PRKAG2: variants seen among roughly 807,000 people sequenced by gnomAD.
The protein encoded by PRKAG2 is protein kinase AMP-activated non-catalytic subunit gamma 2.
A neutral mutation model predicts 69.6 loss-of-function variants in PRKAG2; 26 were observed. The ratio of observed to expected loss-of-function variants is 0.37; its 90% CI spans 0.27 to 0.52. The LOEUF is 0.52. Among genes scored for constraint, PRKAG2 ranks in the 20% least tolerant of loss-of-function variants. The pLI, the probability that PRKAG2 is intolerant of heterozygous loss-of-function variation, is 0.90. For synonymous variants in PRKAG2, 293 were observed against 285.0 expected (o/e 1.03, Z -0.28); for missense variants, 557 against 740.0 (o/e 0.75, Z 2.87).
At chr7:151,727,566 G>T (rs1217133615) in intron 3 of PRKAG2, among the ~76,000 whole-genome samples, 3 of 152,216 alleles carry the variant, frequency 2.0e-5, no homozygotes, top group Non-Finnish European at 4.4e-5. Context: ...GCAGGGGTTT[G>T]CTCCTTTTTT....
intron 1 of PRKAG2, among the ~76,000 whole-genome samples, chr7:151,804,622 T>A (rs1399582277): frequency 6.6e-6 from 1 of 152,192 alleles, no homozygotes; most frequent in South Asian, 2.1e-4. Context: ...GAGAGTCTAT[T>A]TCCCGCACTG....
chr7:151,640,960 G>A (rs1414140041), intron 4 of PRKAG2, among the ~76,000 whole-genome samples: 1 of 152,142 alleles, frequency 6.6e-6, no homozygotes, highest in Non-Finnish European at 1.5e-5. Flanking sequence ...AGCATAAATG[G>A]GTTTAGAAGT....
At chr7:151,871,681 G>A (rs1215588119) in intron 1 of PRKAG2, among the ~76,000 whole-genome samples, 5 of 152,210 alleles carry the variant, frequency 3.3e-5, no homozygotes, top group African/African-American at 1.2e-4. Flanking sequence ...ACTGGCCCTA[G>A]GCTGTCCCCT....
At chr7:151,857,519 A>G (rs2079815197) in intron 1 of PRKAG2, among the ~76,000 whole-genome samples, 1 of 152,130 alleles carries the variant, frequency 6.6e-6, no homozygotes. Context: ...GCCTTCCGGC[A>G]CCATCTGTCT....
chr7:151,559,771 C>T, intron 15 of PRKAG2: 1 of 985,400 alleles, frequency 1.0e-6, no homozygotes, highest in East Asian at 1.1e-4. Flanking sequence ...TTTGCTCCCA[C>T]ATCGGGTCCA....
At chr7:151,557,891 C>CA (rs1304136317) in intron 15 of PRKAG2, 86 of 970,280 alleles carry the variant, frequency 8.9e-5, no homozygotes, top group Non-Finnish European at 9.9e-5. Flanking sequence ...AAAAAAAAAA[C>CA]AAAAAAACAA....
chr7:151,798,257 C>T (rs983301401), intron 1 of PRKAG2, among the ~76,000 whole-genome samples: 1 of 152,072 alleles, frequency 6.6e-6, no homozygotes, highest in African/African-American at 2.4e-5. Context: ...CTACTTTGGC[C>T]TCCCAAAGTG....
intron 6 of PRKAG2, among the ~76,000 whole-genome samples, chr7:151,581,322 T>C (rs1346920550): frequency 6.6e-6 from 1 of 152,216 alleles, no homozygotes; most frequent in Non-Finnish European, 1.5e-5. Flanking sequence ...TAATTGCAAT[T>C]GTCAATACAG....
At chr7:151,759,010 A>G (rs1236424986) in intron 3 of PRKAG2, among the ~76,000 whole-genome samples, 1 of 152,072 alleles carries the variant, frequency 6.6e-6, no homozygotes, top group Non-Finnish European at 1.5e-5. Flanking sequence ...GTAGCCAGAC[A>G]TCTCTCTGCA....
Position 151,565,402 on chromosome 7 carries a change from T to C in PRKAG2, c.1400-19A>G, listed in dbSNP as rs1184472783. 1.5e-6 allele frequency: 2 copies of C among 1,335,114 alleles called. No homozygotes were observed. The highest frequency in any genetic ancestry group is 2.0e-5 in the Admixed American group (1 of 50,416). 82.7% of individuals were successfully genotyped at this position (1,335,114 alleles called of 1,614,324 possible). On this transcript the variant is annotated intron_variant, in intron 12 of 15. Coordinates refer to ENST00000287878, the MANE Select transcript of PRKAG2 (RefSeq NM_016203.4). ...ACTTTTCCTAAAAATGAAAAATATA[T>C]GTTAGAAAAATGTCTTAAGGGACAA...
intron 15 of PRKAG2, chr7:151,560,302 T>C (rs1353341326): frequency 2.1e-6 from 3 of 1,446,158 alleles, no homozygotes; most frequent in Non-Finnish European, 2.8e-6. Context: ...TGGACCTTGA[T>C]AGGATGCTCT....
At chr7:151,802,962 AT>A (rs536103411) in intron 1 of PRKAG2, among the ~76,000 whole-genome samples, 110 of 131,538 alleles carry the variant, frequency 8.4e-4, no homozygotes, top group South Asian at 1.6e-3. Flanking sequence ...ATATATATAT[AT>A]TTTTTTTTTT....
chr7:151,716,258 G>A (rs759613975), intron 3 of PRKAG2, among the ~76,000 whole-genome samples: 3 of 152,212 alleles, frequency 2.0e-5, no homozygotes, highest in East Asian at 1.9e-4. Context: ...TAAGAAAACC[G>A]GAGATTAGAG....
chr7:151,629,789 G>T (rs58461640), intron 5 of PRKAG2, among the ~76,000 whole-genome samples: 7 of 152,056 alleles, frequency 4.6e-5, no homozygotes, highest in African/African-American at 1.4e-4. Context: ...ACATGAAGAC[G>T]TTAACAGGGT....
intron 5 of PRKAG2, among the ~76,000 whole-genome samples, chr7:151,621,249 T>A (rs1172793320): frequency 6.6e-6 from 1 of 152,228 alleles, no homozygotes; most frequent in Non-Finnish European, 1.5e-5. Flanking sequence ...CATATTTTCC[T>A]ATGTTCTAAA....
At chr7:151,564,914 G>A (rs1805883118) in intron 13 of PRKAG2, among the ~76,000 whole-genome samples, 1 of 152,108 alleles carries the variant, frequency 6.6e-6, no homozygotes. Flanking sequence ...CACATTTGGG[G>A]CTATAAAGTG....
At chr7:151,739,870 G>A (rs75407847) in intron 3 of PRKAG2, among the ~76,000 whole-genome samples, 4,201 of 152,122 alleles carry the variant, frequency 0.028, 173 homozygotes, top group African/African-American at 0.096. Flanking sequence ...AAACCCTTAC[G>A]GCCCAATCCA....
chr7:151,708,071 C>T (rs922178463), intron 3 of PRKAG2, among the ~76,000 whole-genome samples: 3 of 152,160 alleles, frequency 2.0e-5, no homozygotes, highest in African/African-American at 7.2e-5. Context: ...GGGCGCTGTC[C>T]CCGTTGAAAG....
chr7:151,616,752 AAAG>A (rs1434445675), intron 5 of PRKAG2, among the ~76,000 whole-genome samples: 6 of 152,378 alleles, frequency 3.9e-5, no homozygotes, highest in South Asian at 2.1e-4. Context: ...CTGGATCCTG[AAAG>A]AAGAAGTGTT....
Sources: allele counts gnomAD v4.1 joint callset (sites outside exome capture counted in the v4.1 genomes callset), GRCh38; gene constraint gnomAD v4.1.1; transcripts MANE v1.5; gene names NCBI Gene and HGNC (gene_info 2026-07-23, HGNC 2026-07-21).